The following PMS2 variants were observed in gnomAD, a reference collection of about 807,000 sequenced individuals.
PMS2 encodes the protein PMS1 homolog 2, mismatch repair system component.
A neutral mutation model predicts 90.0 loss-of-function variants in PMS2; 69 were observed. The observed-to-expected ratio is 0.77, with a 90% CI of 0.63 to 0.94. PMS2 has a LOEUF of 0.94. Among genes scored for constraint, PMS2 ranks in the 40% least tolerant of loss-of-function variants. The probability of loss-of-function intolerance (pLI) is 0.00; values close to 1 mark genes in which losing one functional copy is unlikely to be tolerated. For synonymous variants in PMS2, 332 were observed against 375.1 expected, an observed-to-expected ratio of 0.89 and a Z score of 1.33; for missense variants, 966 against 1,040.2, an observed-to-expected ratio of 0.93 and a Z score of 0.98.
At chr7:6,008,888 C>G in intron 1 of PMS2, 109 bp downstream of exon 1, 1 of 1,380,650 alleles carries the variant, frequency 7.2e-7, no homozygotes, top group Non-Finnish European at 1.0e-6. Context: ...GGGGCTGCCT[C>G]GCCACGCGCC....
At chr7:5,998,852 G>T (rs6949598) in intron 6 of PMS2, among the ~76,000 whole-genome samples, 1 of 151,630 alleles carries the variant, frequency 6.6e-6, no homozygotes, top group Non-Finnish European at 1.5e-5. Context: ...TTAGCCTGGC[G>T]TAGTGGAGCA....
intron 11 of PMS2, among the ~76,000 whole-genome samples, chr7:5,983,445 C>A (rs909460285): frequency 2.6e-4 from 40 of 151,686 alleles, no homozygotes; most frequent in African/African-American, 9.2e-4. Flanking sequence ...ATTAATTATT[C>A]ATTCATCCAA....
intron 9 of PMS2, 44 bp downstream of exon 9, chr7:5,991,929 G>A (rs1179142555): frequency 9.1e-6 from 8 of 875,404 alleles, no homozygotes; most frequent in Admixed American, 3.4e-5. Flanking sequence ...TTTATTCTTT[G>A]AGGCATTAGT....
chr7:6,003,450 T>G, intron 4 of PMS2: 1 of 504,522 alleles, frequency 2.0e-6, no homozygotes, highest in Non-Finnish European at 3.5e-6. Flanking sequence ...AGGTTAAAAT[T>G]GAGAATTACT....
intron 1 of PMS2, among the ~76,000 whole-genome samples, chr7:6,007,442 C>A (rs1022930804): frequency 6.6e-6 from 1 of 152,138 alleles, no homozygotes; most frequent in Non-Finnish European, 1.5e-5. Flanking sequence ...GAACAACTGT[C>A]CTGAACATCA....
intron 9 of PMS2, 77 bp from the exon 10 acceptor site, chr7:5,990,032 G>GAGTGAGA: frequency 9.8e-7 from 1 of 1,021,732 alleles, no homozygotes; most frequent in Non-Finnish European, 1.4e-6. Flanking sequence ...TTTTCAGACA[G>GAGTGAGA]CGTCTCACTC....
At chr7:5,979,201 C>CAAAAAA (rs60152367) in intron 12 of PMS2, among the ~76,000 whole-genome samples, 5 of 49,442 alleles carry the variant, frequency 1.0e-4, no homozygotes, top group African/African-American at 1.5e-4. Flanking sequence ...GACTCTGTCT[C>CAAAAAA]AAAAAAAAAA....
intron 13 of PMS2, among the ~76,000 whole-genome samples, 176 bp downstream of exon 13, chr7:5,978,420 G>A (rs1318395870): frequency 4.0e-5 from 6 of 148,304 alleles, no homozygotes; most frequent in South Asian, 2.1e-4. Context: ...ACAGGCACCC[G>A]CCACCACGCC....
At position 6,003,836 on chromosome 7, in the gene PMS2, A is replaced by G. The variant is rs147461760; in HGVS notation, c.251-44T>C. 70 of 1,359,782 alleles carry G rather than the reference A, an allele frequency of 5.1e-5. No individual in the cohort carries two copies. The African/African-American group carries it at 7.6e-4, about 15-fold the overall frequency. 84.2% of individuals were successfully genotyped at this position (1,359,782 alleles called of 1,614,324 possible). A position where few individuals can be genotyped will look rare whatever the true frequency, so the allele number is the denominator to read the frequency against. On this transcript the variant is annotated intron_variant, in intron 3 of 14. Transcript: ENST00000265849. ...TAAGGACTAAGATATCTCAAGTGCT[A>G]TAACAACAAAATATACATGATATCT...
In PMS2 at chr7:5,982,737, C is replaced by T. The variant is rs1782423999; in HGVS notation, c.2174+87G>A. The T allele has an allele frequency of 3.4e-5, 54 of 1,603,442 alleles. No homozygotes were observed. In the South Asian group the frequency reaches 5.9e-4, roughly 17 times the overall value. ...GTGTTGTCCGGGCTGGTCTCAAACT[C>T]CTGGCCTCTTGTGATCCTCCTGCCT... On this transcript the variant is annotated intron_variant, in intron 12 of 14. Transcript: ENST00000265849.
intron 5 of PMS2, among the ~76,000 whole-genome samples, chr7:6,001,191 C>A (rs1785050266): frequency 6.6e-6 from 1 of 152,026 alleles, no homozygotes; most frequent in Non-Finnish European, 1.5e-5. Context: ...GTCTTCCAGC[C>A]TTTATACTAT....
At chr7:6,003,562 A>T in intron 4 of PMS2, 128 bp downstream of exon 4, 1 of 669,770 alleles carries the variant, frequency 1.5e-6, no homozygotes, top group South Asian at 1.7e-5. Context: ...TGGCAGCGAG[A>T]CAAAACAGAA....
chr7:5,998,421 A>G (rs1204764710), intron 6 of PMS2, among the ~76,000 whole-genome samples: 4 of 143,666 alleles, frequency 2.8e-5, no homozygotes, highest in Non-Finnish European at 6.1e-5. Flanking sequence ...ATCTGGGCGC[A>G]GTGGCTCACG....
intron 7 of PMS2, among the ~76,000 whole-genome samples, chr7:5,995,943 C>T (rs1422590002): frequency 6.6e-6 from 1 of 152,146 alleles, no homozygotes; most frequent in East Asian, 1.9e-4. Flanking sequence ...AAGTGGGTCT[C>T]GCTTCAAATG....
At chr7:5,989,648 C>A in intron 10 of PMS2, 152 bp downstream of exon 10, 1 of 584,568 alleles carries the variant, frequency 1.7e-6, no homozygotes, top group East Asian at 3.1e-5. Flanking sequence ...GCCTGGGTGA[C>A]AGAGCAAGTC....
Position 5,972,202 on chromosome 7 carries a change from GC to G in PMS2, c.*1196del, listed in dbSNP as rs1367495430. ...TCATAAGTGGGATCCTGCAGACCAC[GC>G]CAGCACAGTGCCAGACACGATGGCA... On this transcript the variant is annotated 3_prime_UTR_variant, in exon 15 of 15. Transcript: ENST00000265849. Among the ~76,000 whole-genome samples, 30 of 134,992 alleles carry G rather than the reference GC, an allele frequency of 2.2e-4. 1 individual carries two copies. Among genetic ancestry groups the G allele is most frequent in the African/African-American group, 8.1e-4 (29 of 35,710 alleles). 88.6% of individuals were successfully genotyped at this position (134,992 alleles called of 152,430 possible). A position where few individuals can be genotyped will look rare whatever the true frequency, so the allele number is the denominator to read the frequency against.
intron 8 of PMS2, among the ~76,000 whole-genome samples, chr7:5,992,927 ATC>A (rs916345188): frequency 1.3e-5 from 2 of 152,240 alleles, no homozygotes; most frequent in African/African-American, 4.8e-5. Flanking sequence ...ATAGAAAAGT[ATC>A]TATGACATTA....
At chr7:5,982,590 GC>G (rs1440718507) in intron 12 of PMS2, among the ~76,000 whole-genome samples, 1 of 152,132 alleles carries the variant, frequency 6.6e-6, no homozygotes, top group Non-Finnish European at 1.5e-5. Flanking sequence ...GCCTGCCTCG[GC>G]CTCCCAAAGT....
intron 12 of PMS2, among the ~76,000 whole-genome samples, chr7:5,981,891 G>A (rs1471832085): frequency 6.6e-6 from 1 of 151,828 alleles, no homozygotes; most frequent in East Asian, 1.9e-4. Flanking sequence ...TTTCAACAGT[G>A]CCTGGCAGAT....
Sources: allele counts gnomAD v4.1 joint callset (sites outside exome capture counted in the v4.1 genomes callset), GRCh38; gene constraint gnomAD v4.1.1; transcripts MANE v1.5; gene names NCBI Gene and HGNC (gene_info 2026-07-23, HGNC 2026-07-21).